GSE1: variants seen among roughly 807,000 people sequenced by gnomAD.
The protein encoded by GSE1 is Gse1 coiled-coil protein, also known as genetic suppressor element 1.
A neutral mutation model predicts 112.6 loss-of-function variants in GSE1; 32 were observed. That is an observed-to-expected ratio of 0.28 (90% CI 0.21 to 0.38). GSE1 has a LOEUF of 0.38. GSE1 is among the 10% of genes least tolerant of loss of function. GSE1 has a pLI of 1.00. For missense variants in GSE1, 2,348 were observed against 1,699.2 expected (o/e 1.38, Z -6.71); for synonymous variants, 1,115 against 735.6 (o/e 1.52, Z -8.35).
intron 1 of GSE1, among the ~76,000 whole-genome samples, chr16:85,330,250 G>A (rs961646087): frequency 2.0e-5 from 3 of 152,234 alleles, no homozygotes; most frequent in African/African-American, 7.2e-5. Flanking sequence ...GTCCTTAGAA[G>A]AGGGTGATGG....
In GSE1 at chr16:85,312,763, G is replaced by C. The variant is rs576531891; in HGVS notation, c.2284-44700G>C. Reference sequence around the variant, plus strand: ...GGACGAGGAGGAGAAGGAGGGGGAGGAAGGAGAGGAGGAGGAGAGGAGGAG... The same window carrying C: ...GGACGAGGAGGAGAAGGAGGGGGAGCAAGGAGAGGAGGAGGAGAGGAGGAG... On this transcript the variant is annotated intron_variant, in intron 1 of 2. Transcript: ENST00000637419. 4.0e-5 allele frequency among the ~76,000 whole-genome samples: 6 copies of C among 151,810 alleles called. No individual in the cohort carries two copies. The East Asian group carries it at 1.2e-3, about 30-fold the overall frequency.
At chr16:85,426,617 A>G (rs1321705573) in intron 2 of GSE1, among the ~76,000 whole-genome samples, 1 of 148,478 alleles carries the variant, frequency 6.7e-6, no homozygotes, top group African/African-American at 2.5e-5. Context: ...TAAATGGAAG[A>G]AGGACAGATG....
At chr16:85,170,904 C>A in exon 1 of GSE1, 1 of 985,598 alleles carries the variant, frequency 1.0e-6, no homozygotes, top group Non-Finnish European at 1.2e-6. Flanking sequence ...CCGGCATGGC[C>A]TCTAAGGGCA....
chr16:85,512,560 G>A (rs2051783762), intron 2 of GSE1, among the ~76,000 whole-genome samples: 1 of 152,174 alleles, frequency 6.6e-6, no homozygotes, highest in African/African-American at 2.4e-5. Flanking sequence ...TATGTGTGGT[G>A]TTTTCTTCCC....
chr16:85,254,886 C>T (rs1375594690), intron 1 of GSE1, among the ~76,000 whole-genome samples: 1 of 152,224 alleles, frequency 6.6e-6, no homozygotes, highest in South Asian at 2.1e-4. Flanking sequence ...TGCCCAGGTC[C>T]CAGTGCTGGA....
At chr16:85,331,415 G>GTATA (rs2046349095) in intron 1 of GSE1, among the ~76,000 whole-genome samples, 2 of 90,498 alleles carry the variant, frequency 2.2e-5, no homozygotes, top group Non-Finnish European at 4.6e-5. Context: ...ATATATATGC[G>GTATA]TATATATGTA....
At chr16:85,470,102 G>A (rs965358428) in intron 2 of GSE1, among the ~76,000 whole-genome samples, 19 of 152,232 alleles carry the variant, frequency 1.2e-4, no homozygotes, top group African/African-American at 2.4e-4. Flanking sequence ...TCCAGGGTGC[G>A]GGAGCCCCCA....
chr16:85,486,717 A>G lies in GSE1; in HGVS notation c.2464+129074A>G, dbSNP rs570868618. On this transcript the variant is annotated intron_variant, in intron 2 of 2. Coordinates refer to the GSE1 transcript ENST00000637419. ...TCCTGCCGCCTCCAGCAGCCTCTCC[A>G]TGCCCGGGACGGAGCGGGCATCTGT... 2.1e-4 allele frequency among the ~76,000 whole-genome samples: 31 copies of G among 150,150 alleles called. No homozygotes were observed. In the South Asian group the frequency reaches 5.9e-3, roughly 28 times the overall value.
intron 2 of GSE1, among the ~76,000 whole-genome samples, chr16:85,493,253 C>A (rs1390688279): frequency 6.6e-6 from 1 of 152,094 alleles, no homozygotes. Flanking sequence ...AGTTCAAGAC[C>A]AGCCTGAGTG....
intron 1 of GSE1, among the ~76,000 whole-genome samples, chr16:85,305,674 C>T (rs1328719515): frequency 6.6e-6 from 1 of 151,830 alleles, no homozygotes; most frequent in Admixed American, 6.6e-5. Flanking sequence ...CGGGGTTTCC[C>T]CATGTTGGTC....
At chr16:85,174,260 G>A (rs1313268966) in intron 1 of GSE1, among the ~76,000 whole-genome samples, 1 of 152,244 alleles carries the variant, frequency 6.6e-6, no homozygotes, top group Admixed American at 6.5e-5. Flanking sequence ...TGGATTTGAA[G>A]TTGAAGGCTC....
intron 1 of GSE1, among the ~76,000 whole-genome samples, chr16:85,614,878 A>G (rs1026113924): frequency 6.6e-6 from 1 of 152,174 alleles, no homozygotes; most frequent in Non-Finnish European, 1.5e-5. Context: ...AGGCGCCTGA[A>G]CAAAAGGCCC....
chr16:85,326,025 G>T (rs1710419832), intron 1 of GSE1, among the ~76,000 whole-genome samples: 1 of 152,204 alleles, frequency 6.6e-6, no homozygotes, highest in Admixed American at 6.5e-5. Context: ...GGGATTACAG[G>T]TGTGAGCCAC....
intron 1 of GSE1, among the ~76,000 whole-genome samples, chr16:85,305,653 T>C (rs12935623): frequency 0.6 from 91,329 of 151,650 alleles, 29,190 homozygotes; most frequent in East Asian, 0.83. Flanking sequence ...TGGCTAATTT[T>C]GTATTTTTAA....
At chr16:85,497,072 T>A (rs1015866527) in intron 2 of GSE1, among the ~76,000 whole-genome samples, 2 of 152,096 alleles carry the variant, frequency 1.3e-5, no homozygotes, top group African/African-American at 4.8e-5. Context: ...CTAAGTTTTG[T>A]ATTTTTAGTA....
At chr16:85,199,347 A>G (rs1400085691) in intron 1 of GSE1, among the ~76,000 whole-genome samples, 1 of 152,018 alleles carries the variant, frequency 6.6e-6, no homozygotes, top group East Asian at 1.9e-4. Context: ...CAGCCTCCCA[A>G]AGTGTGGAGA....
intron 2 of GSE1, among the ~76,000 whole-genome samples, chr16:85,522,078 A>T (rs574237167): frequency 1.3e-5 from 2 of 152,204 alleles, no homozygotes; most frequent in African/African-American, 4.8e-5. Context: ...GAAGCCAGGC[A>T]GGCATATCTG....
At chr16:85,245,044 C>T (rs1016017778) in intron 1 of GSE1, among the ~76,000 whole-genome samples, 1 of 151,660 alleles carries the variant, frequency 6.6e-6, no homozygotes, top group Admixed American at 6.6e-5. Flanking sequence ...TGCCTGTAGT[C>T]CCAGCTACTT....
At chr16:85,244,221 C>T (rs1278554332) in intron 1 of GSE1, among the ~76,000 whole-genome samples, 3 of 152,136 alleles carry the variant, frequency 2.0e-5, no homozygotes, top group Admixed American at 6.5e-5. Context: ...TCACAGCGTC[C>T]TTGTAAGTGG....
Sources: allele counts gnomAD v4.1 joint callset (sites outside exome capture counted in the v4.1 genomes callset), GRCh38; gene constraint gnomAD v4.1.1; transcripts MANE v1.5; gene names NCBI Gene and HGNC (gene_info 2026-07-23, HGNC 2026-07-21).